Variants in SNX29 observed in about 807,000 individuals in gnomAD.
SNX29 encodes sorting nexin-29.
Under a neutral mutation model 102.1 loss-of-function variants are expected in SNX29, and 78 were observed. The observed-to-expected ratio is 0.76, with a 90% CI of 0.64 to 0.92. SNX29 has a LOEUF of 0.92. Among genes scored for constraint, SNX29 ranks in the 40% least tolerant of loss-of-function variants. The pLI is 0.00. For synonymous variants in SNX29, 580 were observed against 414.5 expected, an observed-to-expected ratio of 1.40 and a Z score of -4.85; for missense variants, 1,280 against 1,061.7, an observed-to-expected ratio of 1.21 and a Z score of -2.86.
At chr16:12,555,323 G>A (rs2078264183) in intron 20 of SNX29, among the ~76,000 whole-genome samples, 1 of 151,748 alleles carries the variant, frequency 6.6e-6, no homozygotes, top group Admixed American at 6.6e-5. Context: ...TAGCCCCAGT[G>A]TTTCTTGGCA....
chr16:12,346,401 T>C (rs963651685), intron 15 of SNX29, among the ~76,000 whole-genome samples: 1 of 152,200 alleles, frequency 6.6e-6, no homozygotes, highest in African/African-American at 2.4e-5. Flanking sequence ...ACAAAAGCCC[T>C]TTGACATTTG....
At chr16:12,455,103 A>C (rs139617287) in intron 18 of SNX29, among the ~76,000 whole-genome samples, 35 of 152,282 alleles carry the variant, frequency 2.3e-4, no homozygotes, top group African/African-American at 7.9e-4. Context: ...TGGTGTGGAA[A>C]AGGAGTAGGA....
intron 15 of SNX29, among the ~76,000 whole-genome samples, chr16:12,323,635 C>A (rs1166864958): frequency 6.6e-6 from 1 of 152,144 alleles, no homozygotes; most frequent in Non-Finnish European, 1.5e-5. Flanking sequence ...GCATTGTTCA[C>A]TGTCGTATCC....
At chr16:12,089,643 C>A (rs12596549) in intron 11 of SNX29, 42,474 of 184,380 alleles carry the variant, frequency 0.23, 5,090 homozygotes, top group African/African-American at 0.29. Flanking sequence ...GCTGGCATTG[C>A]GCTGCCAGAA....
At chr16:12,484,983 A>C (rs1243299886) in intron 19 of SNX29, among the ~76,000 whole-genome samples, 1 of 152,212 alleles carries the variant, frequency 6.6e-6, no homozygotes, top group Non-Finnish European at 1.5e-5. Context: ...ATACCAAGAT[A>C]CTCACGGTCT....
chr16:12,569,892 C>G lies in SNX29; in HGVS notation c.*1263C>G. Reference sequence around the variant, plus strand: ...TGCAAGAGTAAGTTTGTGTGTTTCGCCTTAATCTGAGGCAGAGACACAGCA... The same window carrying G: ...TGCAAGAGTAAGTTTGTGTGTTTCGGCTTAATCTGAGGCAGAGACACAGCA... On this transcript the variant is annotated 3_prime_UTR_variant, in exon 21 of 21. Transcript: ENST00000566228. The G allele has an allele frequency of 4.3e-6, 1 of 231,528 alleles. No homozygotes were observed. The highest frequency in any genetic ancestry group is 5.6e-5 in the Admixed American group (1 of 17,728). The allele number at this position is 231,528 out of a possible 1,614,324, so 14.3% of individuals were successfully genotyped here. A position where few individuals can be genotyped will look rare whatever the true frequency, so the allele number is the denominator to read the frequency against.
intron 19 of SNX29, among the ~76,000 whole-genome samples, chr16:12,519,405 A>T (rs2151944174): frequency 6.6e-6 from 1 of 152,358 alleles, no homozygotes; most frequent in Non-Finnish European, 1.5e-5. Flanking sequence ...AGCAGCAGGC[A>T]CATTTGAAAA....
At chr16:12,377,402 C>G (rs758874768) in intron 16 of SNX29, among the ~76,000 whole-genome samples, 10 of 152,194 alleles carry the variant, frequency 6.6e-5, no homozygotes, top group Non-Finnish European at 1.3e-4. Flanking sequence ...ATTGGCCAAG[C>G]ACATTCTGAC....
At chr16:11,976,931 C>A in intron 1 of SNX29, 118 bp downstream of exon 1, 1 of 1,234,822 alleles carries the variant, frequency 8.1e-7, no homozygotes, top group South Asian at 2.8e-5. Flanking sequence ...CCCTCCCAGT[C>A]GCTCCCTTTT....
chr16:12,250,290 A>G (rs1429117354), intron 14 of SNX29, among the ~76,000 whole-genome samples: 4 of 152,230 alleles, frequency 2.6e-5, no homozygotes, highest in African/African-American at 4.8e-5. Flanking sequence ...TGGGGAGCCA[A>G]AATATATAGT....
chr16:12,278,175 C>T, intron 15 of SNX29, 139 bp downstream of exon 15: 1 of 670,462 alleles, frequency 1.5e-6, no homozygotes, highest in South Asian at 1.9e-5. Context: ...CAAAGCAAGA[C>T]CAAATCAGTG....
intron 16 of SNX29, among the ~76,000 whole-genome samples, chr16:12,364,616 A>T (rs990685862): frequency 2.4e-4 from 36 of 152,212 alleles, no homozygotes; most frequent in African/African-American, 8.2e-4. Context: ...GAGGTCAATT[A>T]AAGACACAGC....
intron 17 of SNX29, among the ~76,000 whole-genome samples, chr16:12,400,224 C>T (rs57907797): frequency 1.3e-5 from 2 of 152,210 alleles, no homozygotes; most frequent in African/African-American, 4.8e-5. Context: ...CCCTCACTCA[C>T]CTCTGGCTTC....
intron 20 of SNX29, among the ~76,000 whole-genome samples, chr16:12,563,428 G>C (rs577295292): frequency 7.9e-4 from 121 of 152,320 alleles, no homozygotes; most frequent in Non-Finnish European, 4.6e-4. Context: ...GTTCCTTGCG[G>C]TATGTCCTTT....
chr16:12,193,420 G>A (rs1246690491), intron 13 of SNX29, among the ~76,000 whole-genome samples: 6 of 146,010 alleles, frequency 4.1e-5, no homozygotes, highest in Admixed American at 3.6e-4. Context: ...AGTGAGCCGA[G>A]ATCGCACCAC....
At chr16:12,022,921 A>C (rs2057073328) in intron 3 of SNX29, among the ~76,000 whole-genome samples, 2 of 141,494 alleles carry the variant, frequency 1.4e-5, no homozygotes, top group Admixed American at 7.1e-5. Flanking sequence ...TTTTGAGACC[A>C]AGTCTCTCTC....
At chr16:12,310,079 C>T (rs1056595938) in intron 15 of SNX29, among the ~76,000 whole-genome samples, 1 of 150,286 alleles carries the variant, frequency 6.7e-6, no homozygotes, top group Non-Finnish European at 1.5e-5. Context: ...CATACATACA[C>T]ATGTGCACAC....
intron 20 of SNX29, among the ~76,000 whole-genome samples, chr16:12,552,389 C>T (rs1191599484): frequency 3.3e-5 from 5 of 152,222 alleles, no homozygotes; most frequent in Non-Finnish European, 5.9e-5. Flanking sequence ...AGCATGGTAC[C>T]TGGCGCAGAG....
intron 18 of SNX29, among the ~76,000 whole-genome samples, chr16:12,456,244 G>A (rs192751403): frequency 5.3e-4 from 80 of 152,270 alleles, no homozygotes; most frequent in African/African-American, 1.8e-3. Flanking sequence ...AGTGGAGAGA[G>A]GACAGCAAGC....
Sources: allele counts gnomAD v4.1 joint callset (sites outside exome capture counted in the v4.1 genomes callset), GRCh38; gene constraint gnomAD v4.1.1; transcripts MANE v1.5; gene names NCBI Gene and HGNC (gene_info 2026-07-23, HGNC 2026-07-21).